The following PIAS2 variants were observed in gnomAD, a reference collection of about 807,000 sequenced individuals.
PIAS2 encodes the protein protein inhibitor of activated STAT 2.
In PIAS2, 19 loss-of-function variants were observed where a neutral mutation model predicts 69.7. That is an observed-to-expected ratio of 0.27 (90% CI 0.19 to 0.40). The LOEUF (loss-of-function observed/expected upper bound fraction) is 0.40, where lower values mean the gene tolerates loss of function less well. Ranked by LOEUF, PIAS2 falls within the 10% of genes least tolerant of loss-of-function variation. The probability of loss-of-function intolerance (pLI) is 1.00; values close to 1 mark genes in which losing one functional copy is unlikely to be tolerated. For synonymous variants in PIAS2, 261 were observed against 263.2 expected (o/e 0.99, Z 0.08); for missense variants, 624 against 757.0 (o/e 0.82, Z 2.06).
Position 46,905,497 on chromosome 18 carries a change from G to A in PIAS2, c.24+11825C>T, listed in dbSNP as rs542012295. ...AAAGAAAAGAAGAGCAAAAATTAAT[G>A]AAACAGGAAGGATACACTAAAGAGC... On this transcript the variant is annotated intron_variant, in intron 1 of 13. Coordinates refer to ENST00000585916, the MANE Select transcript of PIAS2 (RefSeq NM_004671.5). Among the ~76,000 whole-genome samples the A allele has an allele frequency of 2.4e-4, 36 of 152,032 alleles. 2 individuals carry two copies. The South Asian group carries it at 7.1e-3, about 30-fold the overall frequency.
intron 1 of PIAS2, among the ~76,000 whole-genome samples, chr18:46,902,196 G>A (rs1232938416): frequency 6.7e-6 from 1 of 149,744 alleles, no homozygotes; most frequent in African/African-American, 2.5e-5. Context: ...ATGTAAAAAT[G>A]TAACAAACAC....
chr18:46,818,426 A>G (rs532262850), intron 12 of PIAS2: 3 of 1,576,678 alleles, frequency 1.9e-6, no homozygotes, highest in Non-Finnish European at 2.6e-6. Context: ...TTCATTATTA[A>G]TATCATTTCT....
In PIAS2 at chr18:46,811,215, A is replaced by T. The variant is rs139850490; in HGVS notation, c.*1218T>A. 1 of 151,954 alleles carries T rather than the reference A, an allele frequency of 6.6e-6. No individual in the cohort carries two copies. Among genetic ancestry groups the T allele is most frequent in the African/African-American group, 2.4e-5 (1 of 41,468 alleles). The allele number at this position is 151,954 out of a possible 1,614,324, so 9.4% of individuals were successfully genotyped here. On this transcript the variant is annotated 3_prime_UTR_variant, in exon 14 of 14. Coordinates refer to ENST00000585916, the MANE Select transcript of PIAS2 (RefSeq NM_004671.5). ...CTTCACTTTAATTCAAACATTTCTA[A>T]TTCTCTTTTGTCGTTTGTAGTTTCA... is the stretch of plus-strand genomic sequence containing the variant.
At chr18:46,814,677 GT>G (rs1200329003) in intron 13 of PIAS2, among the ~76,000 whole-genome samples, 1 of 152,098 alleles carries the variant, frequency 6.6e-6, no homozygotes, top group Admixed American at 6.5e-5. Context: ...AAAGTCTTTT[GT>G]TCTATGTCAT....
chr18:46,878,269 G>A (rs1169690824), intron 2 of PIAS2, among the ~76,000 whole-genome samples: 14 of 152,126 alleles, frequency 9.2e-5, no homozygotes. Context: ...ACATGTGAAA[G>A]CATTCTGAAA....
At chr18:46,909,878 T>C (rs1432732480) in intron 1 of PIAS2, among the ~76,000 whole-genome samples, 1 of 152,124 alleles carries the variant, frequency 6.6e-6, no homozygotes. Flanking sequence ...ATTTAAGAAA[T>C]ATGGATGGCC....
intron 2 of PIAS2, among the ~76,000 whole-genome samples, chr18:46,871,901 C>A (rs1426158488): frequency 6.6e-6 from 1 of 152,178 alleles, no homozygotes; most frequent in Non-Finnish European, 1.5e-5. Flanking sequence ...TTTCTCACCT[C>A]ATTAAATCTA....
intron 12 of PIAS2, among the ~76,000 whole-genome samples, chr18:46,818,756 A>G (rs2041845484): frequency 1.3e-5 from 2 of 152,148 alleles, no homozygotes; most frequent in South Asian, 4.1e-4. Flanking sequence ...AAAGCAAAAT[A>G]GATCCTATTC....
intron 2 of PIAS2, among the ~76,000 whole-genome samples, chr18:46,888,491 A>G (rs1018597062): frequency 6.6e-6 from 1 of 152,192 alleles, no homozygotes; most frequent in Non-Finnish European, 1.5e-5. Context: ...TGATTCCAAG[A>G]CATATTACAT....
chr18:46,913,075 A>G (rs976549655), intron 1 of PIAS2, among the ~76,000 whole-genome samples: 2 of 152,174 alleles, frequency 1.3e-5, no homozygotes, highest in African/African-American at 2.4e-5. Context: ...GTTGCATCCC[A>G]TAATAGCTTT....
At chr18:46,887,059 T>C (rs1598838260) in intron 2 of PIAS2, among the ~76,000 whole-genome samples, 1 of 152,176 alleles carries the variant, frequency 6.6e-6, no homozygotes, top group African/African-American at 2.4e-5. Context: ...TTTGGCAATA[T>C]GTTATCAAGA....
At chr18:46,864,745 G>C (rs968226874) in intron 2 of PIAS2, among the ~76,000 whole-genome samples, 29 of 150,178 alleles carry the variant, frequency 1.9e-4, no homozygotes, top group Non-Finnish European at 3.1e-4. Context: ...ACTCCAGCCT[G>C]GGCAACAAGA....
chr18:46,917,282 A>C, intron 1 of PIAS2, 40 bp downstream of exon 1: 19 of 1,424,250 alleles, frequency 1.3e-5, no homozygotes, highest in Admixed American at 5.1e-5. Context: ...CTCCTCTCCC[A>C]TCCCCTCCCC....
chr18:46,815,407 T>A, intron 12 of PIAS2, 58 bp from the exon 13 acceptor site: 1 of 1,607,070 alleles, frequency 6.2e-7, no homozygotes, highest in Admixed American at 1.7e-5. Context: ...CAGAATTATT[T>A]CCCTAAATCA....
chr18:46,832,918 A>AT (rs1424039095), intron 9 of PIAS2, among the ~76,000 whole-genome samples: 1 of 149,126 alleles, frequency 6.7e-6, no homozygotes, highest in Non-Finnish European at 1.5e-5. Flanking sequence ...AAGAGAAGCC[A>AT]TACCAAATGT....
chr18:46,861,262 T>C (rs2048624364), intron 3 of PIAS2, among the ~76,000 whole-genome samples: 1 of 151,544 alleles, frequency 6.6e-6, no homozygotes, highest in Non-Finnish European at 1.5e-5. Flanking sequence ...ACAAAATGAA[T>C]GAATGAAAGA....
chr18:46,838,155 C>A (rs750595708), intron 8 of PIAS2, among the ~76,000 whole-genome samples: 2 of 152,052 alleles, frequency 1.3e-5, no homozygotes, highest in African/African-American at 4.8e-5. Flanking sequence ...AAAATGAACA[C>A]CTGGTAATGT....
intron 12 of PIAS2, chr18:46,815,856 C>T: frequency 1.0e-6 from 1 of 985,920 alleles, no homozygotes; most frequent in Non-Finnish European, 1.2e-6. Context: ...CAACGCTCTG[C>T]ACAAAGCACA....
chr18:46,904,410 G>A (rs890568681), intron 1 of PIAS2, among the ~76,000 whole-genome samples: 4 of 152,044 alleles, frequency 2.6e-5, no homozygotes, highest in South Asian at 4.2e-4. Context: ...AAAATGTAAC[G>A]GTGAGGAGAA....
Sources: allele counts gnomAD v4.1 joint callset (sites outside exome capture counted in the v4.1 genomes callset), GRCh38; gene constraint gnomAD v4.1.1; transcripts MANE v1.5; gene names NCBI Gene and HGNC (gene_info 2026-07-23, HGNC 2026-07-21).